MRTFA: variants seen among roughly 807,000 people sequenced by gnomAD.
MRTFA encodes myocardin-related transcription factor A.
Under a neutral mutation model 83.5 loss-of-function variants are expected in MRTFA, and 20 were observed. That is an observed-to-expected ratio of 0.24 (90% CI 0.17 to 0.35). MRTFA has a LOEUF of 0.35. Ranked by LOEUF, MRTFA falls within the 10% of genes least tolerant of loss-of-function variation. The pLI, the probability that MRTFA is intolerant of heterozygous loss-of-function variation, is 1.00. For missense variants in MRTFA, 1,200 were observed against 1,224.7 expected (o/e 0.98, Z 0.30); for synonymous variants, 659 against 541.2 (o/e 1.22, Z -3.02).
intron 3 of MRTFA, among the ~76,000 whole-genome samples, chr22:40,518,272 C>T (rs2054794310): frequency 6.6e-6 from 1 of 152,158 alleles, no homozygotes; most frequent in Non-Finnish European, 1.5e-5. Flanking sequence ...CCACCACTAT[C>T]GATCGGCATC....
At chr22:40,591,755 T>C (rs1445032208) in intron 2 of MRTFA, among the ~76,000 whole-genome samples, 2 of 152,164 alleles carry the variant, frequency 1.3e-5, no homozygotes, top group African/African-American at 4.8e-5. Context: ...TTATATTAAG[T>C]TTATCTCACT....
At chr22:40,491,663 C>T (rs564826696) in intron 3 of MRTFA, among the ~76,000 whole-genome samples, 2 of 152,194 alleles carry the variant, frequency 1.3e-5, no homozygotes, top group East Asian at 3.9e-4. Flanking sequence ...AGAGTAATTC[C>T]GCCTTATTAA....
chr22:40,479,630 A>G (rs2054055254), intron 3 of MRTFA, among the ~76,000 whole-genome samples: 1 of 152,222 alleles, frequency 6.6e-6, no homozygotes, highest in South Asian at 2.1e-4. Context: ...TCTCTTGGAG[A>G]GAAAGAAATT....
intron 3 of MRTFA, among the ~76,000 whole-genome samples, chr22:40,516,120 T>C (rs2147249835): frequency 6.6e-6 from 1 of 152,104 alleles, no homozygotes; most frequent in South Asian, 2.1e-4. Flanking sequence ...AAAACTCAGC[T>C]GTTAAGAAGT....
intron 11 of MRTFA, among the ~76,000 whole-genome samples, chr22:40,419,803 T>G (rs1180103351): frequency 6.6e-6 from 1 of 152,230 alleles, no homozygotes; most frequent in Non-Finnish European, 1.5e-5. Flanking sequence ...ATCCATCTTC[T>G]GATGGGGCAG....
In MRTFA at chr22:40,577,881, T is replaced by C. The variant is rs543143998; in HGVS notation, c.-22+16793A>G. Among the ~76,000 whole-genome samples, 566 of 149,936 alleles carry C rather than the reference T, an allele frequency of 3.8e-3. 3 individuals are homozygous for C. The highest frequency in any genetic ancestry group is 6.5e-3 in the Non-Finnish European group (441 of 67,350). On this transcript the variant is annotated intron_variant, in intron 2 of 14. Coordinates refer to ENST00000355630, the MANE Select transcript of MRTFA (RefSeq NM_020831.6). ...TCAGCCTCCCAAAGTGCTGGGATTATAGGTGTGAGCCACCACGCCCGGCCT... is the reference window on the plus strand; with the variant it reads ...TCAGCCTCCCAAAGTGCTGGGATTACAGGTGTGAGCCACCACGCCCGGCCT...
At chr22:40,585,379 A>G (rs2056013079) in intron 2 of MRTFA, among the ~76,000 whole-genome samples, 1 of 152,182 alleles carries the variant, frequency 6.6e-6, no homozygotes, top group Admixed American at 6.5e-5. Flanking sequence ...CATAGACACA[A>G]AGTAGAAGGG....
At chr22:40,415,534 G>C (rs947693600) in intron 14 of MRTFA, 1 of 152,552 alleles carries the variant, frequency 6.6e-6, no homozygotes, top group African/African-American at 2.4e-5. Context: ...AAGCCACTGA[G>C]ACACTCAAAG....
At chr22:40,435,225 T>C (rs1201873102) in intron 5 of MRTFA, among the ~76,000 whole-genome samples, 1 of 152,184 alleles carries the variant, frequency 6.6e-6, no homozygotes, top group Admixed American at 6.5e-5. Flanking sequence ...GCAAGGAGGA[T>C]CGGGTGATCA....
intron 1 of MRTFA, among the ~76,000 whole-genome samples, chr22:40,602,771 C>T (rs1011582436): frequency 1.3e-5 from 2 of 151,996 alleles, no homozygotes; most frequent in African/African-American, 4.8e-5. Flanking sequence ...CACTTGAACC[C>T]AGGAGGTGGA....
At chr22:40,554,784 C>T (rs189276333) in intron 2 of MRTFA, among the ~76,000 whole-genome samples, 2 of 152,208 alleles carry the variant, frequency 1.3e-5, no homozygotes, top group Non-Finnish European at 2.9e-5. Context: ...TAAACTAGCA[C>T]CCACTGCTCT....
chr22:40,470,235 A>T lies in MRTFA; in HGVS notation c.242-6949T>A, dbSNP rs1224065808. 3.1e-4 allele frequency among the ~76,000 whole-genome samples: 5 copies of T among 16,122 alleles called. No homozygotes were observed. The East Asian group carries it at 9.3e-3, about 30-fold the overall frequency. The allele number at this position is 16,122 out of a possible 152,430, so 10.6% of individuals were successfully genotyped here. A position where few individuals can be genotyped will look rare whatever the true frequency, so the allele number is the denominator to read the frequency against. On this transcript the variant is annotated intron_variant, in intron 3 of 14. Transcript: ENST00000355630. Reference sequence around the variant, plus strand: ...CAAGACCCCATCTCCAAAATTTTATATATATATATATATATATATATATAT... The same window carrying T: ...CAAGACCCCATCTCCAAAATTTTATTTATATATATATATATATATATATAT...
chr22:40,584,389 T>C (rs2055993941), intron 2 of MRTFA, among the ~76,000 whole-genome samples: 1 of 152,162 alleles, frequency 6.6e-6, no homozygotes, highest in African/African-American at 2.4e-5. Context: ...AATAATAAAA[T>C]AGATGCGGAG....
chr22:40,435,184 C>T (rs1033004967), intron 5 of MRTFA, among the ~76,000 whole-genome samples: 2 of 152,164 alleles, frequency 1.3e-5, no homozygotes, highest in African/African-American at 4.8e-5. Context: ...TGGGGAAATA[C>T]CAGTGGTCTC....
intron 2 of MRTFA, among the ~76,000 whole-genome samples, chr22:40,559,342 C>T (rs1452788274): frequency 6.6e-6 from 1 of 152,170 alleles, no homozygotes; most frequent in Non-Finnish European, 1.5e-5. Flanking sequence ...GAGCTGTGAT[C>T]ATGCCACTGC....
intron 1 of MRTFA, among the ~76,000 whole-genome samples, chr22:40,609,714 C>A (rs745745875): frequency 4.0e-5 from 6 of 151,824 alleles, no homozygotes; most frequent in Non-Finnish European, 8.8e-5. Flanking sequence ...CACCTGTAAT[C>A]CAGCTACTCG....
At chr22:40,510,768 C>T (rs1013869294) in intron 3 of MRTFA, among the ~76,000 whole-genome samples, 1 of 152,008 alleles carries the variant, frequency 6.6e-6, no homozygotes, top group Non-Finnish European at 1.5e-5. Flanking sequence ...GCAGAAGGGG[C>T]ACCGAAGTTT....
chr22:40,429,800 T>C (rs768243612), intron 6 of MRTFA, 33 bp from the exon 7 acceptor site: 6 of 1,576,370 alleles, frequency 3.8e-6, no homozygotes, highest in Non-Finnish European at 5.2e-6. Context: ...TGCAGGAAGA[T>C]ATATGAGTGG....
intron 3 of MRTFA, among the ~76,000 whole-genome samples, chr22:40,513,223 T>G (rs1047154519): frequency 1.3e-5 from 2 of 152,194 alleles, no homozygotes; most frequent in Non-Finnish European, 2.9e-5. Flanking sequence ...CTTAGAAGTA[T>G]TCTGAGATGC....
Sources: allele counts gnomAD v4.1 joint callset (sites outside exome capture counted in the v4.1 genomes callset), GRCh38; gene constraint gnomAD v4.1.1; transcripts MANE v1.5; gene names NCBI Gene and HGNC (gene_info 2026-07-23, HGNC 2026-07-21).